SPEN: variants seen among roughly 807,000 people sequenced by gnomAD.
SPEN encodes msx2-interacting protein.
Under a neutral mutation model 269.9 loss-of-function variants are expected in SPEN, and 18 were observed. The observed-to-expected ratio is 0.07, with a 90% CI of 0.05 to 0.10. SPEN has a LOEUF of 0.10. Ranked by LOEUF, SPEN falls within the 10% of genes least tolerant of loss-of-function variation. The pLI is 1.00. For missense variants in SPEN, 3,822 were observed against 4,631.2 expected, an observed-to-expected ratio of 0.83 and a Z score of 5.07; for synonymous variants, 1,726 against 1,765.7, an observed-to-expected ratio of 0.98 and a Z score of 0.56.
At position 15,931,458 on chromosome 1, in the gene SPEN, G is replaced by T. The variant is rs1341345754; in HGVS notation, c.5218G>T (p.Ala1740Ser). 6.2e-7 allele frequency: 1 copy of T among 1,614,060 alleles called. No homozygotes were observed. ...GGATGCCAAGCCTCCAACTCCCGGG[G>T]CCTCGTTTTCCCAGGCAGAGAGCAA... Reference protein sequence around the residue: ...YLDAKPPTPGASFSQAESNVD... With the variant: ...YLDAKPPTPGSSFSQAESNVD... Residue 1740 changes from alanine (A) to serine (S), a missense_variant, in exon 11 of 15, where the codon GCC becomes TCC. Ala to Ser is a moderately conservative substitution (Grantham distance 99). Transcript: ENST00000375759. This position sits in a 1 kb window ranked among gnomAD's most constrained non-coding sequence, Gnocchi z 4.8.
chr1:15,932,257 T>G lies in SPEN; in HGVS notation c.6017T>G (p.Val2006Gly). 1 of 1,610,844 alleles carries G rather than the reference T, an allele frequency of 6.2e-7. No individual in the cohort carries two copies. The highest frequency in any genetic ancestry group is 1.1e-5 in the South Asian group (1 of 90,748). Residue 2006 changes from valine (V) to glycine (G), a missense_variant, in exon 11 of 15, where the codon GTG becomes GGG. By Grantham distance (109) the Val-to-Gly change is moderately radical (BLOSUM62 -3). Transcript: ENST00000375759. This position sits in a 1 kb window ranked among gnomAD's most constrained non-coding sequence, Gnocchi z 4.2. The part of the protein sequence containing the change: ...QGKKGKNEPK[V>G]DATRPEATTE... ...AAAAAGGGAAAAAATGAACCGAAGG[T>G]GGATGCTACACGTCCTGAGGCCACC...
intron 1 of SPEN, among the ~76,000 whole-genome samples, chr1:15,857,424 T>G (rs1449070695): frequency 1.3e-5 from 2 of 152,034 alleles, no homozygotes; most frequent in Non-Finnish European, 2.9e-5. Context: ...TGGCGTGATC[T>G]CAGCTCACTG....
At position 15,886,140 on chromosome 1, in the gene SPEN, T is replaced by G. The variant is rs187452215; in HGVS notation, c.881+9462T>G. Reference sequence around the variant, plus strand: ...TTTGTTTTTTTGTTTTTGTTTTAGATGTGTAGGTGTTGTCAGCTGCAGGGT... The same window carrying G: ...TTTGTTTTTTTGTTTTTGTTTTAGAGGTGTAGGTGTTGTCAGCTGCAGGGT... On this transcript the variant is annotated intron_variant, in intron 3 of 14. Transcript: ENST00000375759. Among the ~76,000 whole-genome samples the G allele has an allele frequency of 6.4e-3, 981 of 152,318 alleles. 8 individuals are homozygous for G. The highest frequency in any genetic ancestry group is 0.02 in the Middle Eastern group (6 of 294).
In SPEN at chr1:15,931,473, G is replaced by C; in HGVS notation, c.5233G>C (p.Ala1745Pro). 6.2e-7 allele frequency: 1 copy of C among 1,614,126 alleles called. No individual in the cohort carries two copies. The highest frequency in any genetic ancestry group is 8.5e-7 in the Non-Finnish European group (1 of 1,180,026). Reference protein sequence around the residue: ...PPTPGASFSQAESNVDPEPDS... With the variant: ...PPTPGASFSQPESNVDPEPDS... ...AACTCCCGGGGCCTCGTTTTCCCAG[G>C]CAGAGAGCAACGTAGATCCAGAGCC... Residue 1745 changes from alanine to proline, a missense_variant, in exon 11 of 15, where the codon GCA becomes CCA. Physicochemically the swap from Ala to Pro is conservative, Grantham distance 27. Transcript: ENST00000375759. This position sits in a 1 kb window ranked among gnomAD's most constrained non-coding sequence, Gnocchi z 4.8.
At chr1:15,911,687 G>T (rs530260005) in intron 5 of SPEN, among the ~76,000 whole-genome samples, 1 of 152,184 alleles carries the variant, frequency 6.6e-6, no homozygotes, top group Non-Finnish European at 1.5e-5. Flanking sequence ...CTGGTTGGGC[G>T]CAGTGGCTCA....
At chr1:15,857,316 C>T (rs866290956) in intron 1 of SPEN, among the ~76,000 whole-genome samples, 3 of 151,992 alleles carry the variant, frequency 2.0e-5, no homozygotes, top group Non-Finnish European at 2.9e-5. Flanking sequence ...CTGTCTGCCT[C>T]GGCCTCTCAA....
intron 10 of SPEN, among the ~76,000 whole-genome samples, chr1:15,924,950 G>T (rs2071152577): frequency 6.6e-6 from 1 of 152,190 alleles, no homozygotes; most frequent in African/African-American, 2.4e-5. Flanking sequence ...TGCATTCCTT[G>T]CAGTAGACCT....
At position 15,939,625 on chromosome 1, in the gene SPEN, A is replaced by G. The variant is rs1398260591; in HGVS notation, c.*198A>G. ...TGGTGCTGCTACCTTGTATGTTTACATAATGCTTTAGCCCAAGGACACATC... is the reference window on the plus strand; with the variant it reads ...TGGTGCTGCTACCTTGTATGTTTACGTAATGCTTTAGCCCAAGGACACATC... On this transcript the variant is annotated 3_prime_UTR_variant, in exon 15 of 15. Coordinates refer to ENST00000375759, the MANE Select transcript of SPEN (RefSeq NM_015001.3). This position sits in a 1 kb window ranked among gnomAD's most constrained non-coding sequence, Gnocchi z 4.1. The G allele has an allele frequency of 3.7e-5, 20 of 538,604 alleles. No homozygotes were observed. The highest frequency in any genetic ancestry group is 4.4e-4 in the Middle Eastern group (1 of 2,264). 33.4% of individuals were successfully genotyped at this position (538,604 alleles called of 1,614,324 possible). A position where few individuals can be genotyped will look rare whatever the true frequency, so the allele number is the denominator to read the frequency against.
chr1:15,883,125 C>G (rs2070703283), intron 3 of SPEN, among the ~76,000 whole-genome samples: 1 of 152,172 alleles, frequency 6.6e-6, no homozygotes, highest in Non-Finnish European at 1.5e-5. Context: ...AAATGTATTT[C>G]TCACATTTTC....
At chr1:15,938,162 G>A (rs200747422) in intron 13 of SPEN, among the ~76,000 whole-genome samples, 156 bp downstream of exon 13, 55 of 152,300 alleles carry the variant, frequency 3.6e-4, no homozygotes, top group Non-Finnish European at 6.3e-4. Flanking sequence ...GGAGTGCAGC[G>A]GTGCGATCTC....
chr1:15,851,838 C>A lies in SPEN; in HGVS notation c.83+3688C>A, dbSNP rs533712876. ...TCTCTACTAAAATACAAAAAATTAG[C>A]CAGGTGTGGTGGTGTGCATCTGTAG... is the stretch of plus-strand genomic sequence containing the variant. On this transcript the variant is annotated intron_variant, in intron 1 of 14. Coordinates refer to ENST00000375759, the MANE Select transcript of SPEN (RefSeq NM_015001.3). 1.6e-4 allele frequency among the ~76,000 whole-genome samples: 24 copies of A among 152,190 alleles called. No individual in the cohort carries two copies. In the South Asian group the frequency reaches 5.0e-3, roughly 32 times the overall value.
chr1:15,924,482 CAG>C (rs1332214787), intron 10 of SPEN, among the ~76,000 whole-genome samples: 5 of 151,516 alleles, frequency 3.3e-5, no homozygotes, highest in Admixed American at 1.3e-4. Context: ...TTTTTTGAGA[CAG>C]AGTTTCCCTT....
In SPEN at chr1:15,936,165, G is replaced by A. The variant is rs748733011; in HGVS notation, c.9925G>A (p.Gly3309Ser). ...GGAGCTGTTTCAAGAGTACCGGTACGGCGACATCCGCACCTACCACCCCCC... is the reference window on the plus strand; with the variant it reads ...GGAGCTGTTTCAAGAGTACCGGTACAGCGACATCCGCACCTACCACCCCCC... ...SGELFQEYRY[G>S]DIRTYHPPAQ... Residue 3309 changes from glycine (G) to serine (S), a missense_variant, in exon 11 of 15, where the codon GGC becomes AGC. Gly to Ser is a moderately conservative substitution (Grantham distance 56). Coordinates refer to ENST00000375759, the MANE Select transcript of SPEN (RefSeq NM_015001.3). The A allele has an allele frequency of 1.9e-5, 31 of 1,608,804 alleles. No homozygotes were observed. Among genetic ancestry groups the A allele is most frequent in the Admixed American group, 6.7e-5 (4 of 59,752 alleles).
At position 15,919,436 on chromosome 1, in the gene SPEN, C is replaced by T. The variant is rs773270174; in HGVS notation, c.1554C>T (p.Cys518=). ...LGFGKSMPTN[C]VWLDGLSSNV... Reference sequence around the variant, plus strand: ...TTGGAAAGAGCATGCCTACAAACTGCGTGTGGCTAGATGGGCTTTCTTCGA... The same window carrying T: ...TTGGAAAGAGCATGCCTACAAACTGTGTGTGGCTAGATGGGCTTTCTTCGA... Residue 518 remains cysteine (C), a synonymous_variant, in exon 8 of 15, where the codon TGC becomes TGT. Coordinates refer to ENST00000375759, the MANE Select transcript of SPEN (RefSeq NM_015001.3). 1.2e-5 allele frequency: 20 copies of T among 1,605,720 alleles called. No homozygotes were observed. The highest frequency in any genetic ancestry group is 4.5e-5 in the East Asian group (2 of 44,432).
chr1:15,865,815 C>A (rs1368336326), intron 1 of SPEN, among the ~76,000 whole-genome samples: 1 of 151,854 alleles, frequency 6.6e-6, no homozygotes, highest in Non-Finnish European at 1.5e-5. Context: ...TCAAGTGTTG[C>A]AAGTATTTTT....
At chr1:15,921,668 C>G (rs1487160821) in intron 9 of SPEN, among the ~76,000 whole-genome samples, 1 of 152,200 alleles carries the variant, frequency 6.6e-6, no homozygotes, top group African/African-American at 2.4e-5. Flanking sequence ...CTTTCCTACT[C>G]TCCTGAAGAG....
intron 8 of SPEN, among the ~76,000 whole-genome samples, chr1:15,920,179 C>T (rs111784357): frequency 0.071 from 10,741 of 152,158 alleles, 439 homozygotes; most frequent in Non-Finnish European, 0.082. Context: ...AAGCGATTCT[C>T]TAGCCTCAGC....
chr1:15,876,712 C>A, intron 3 of SPEN, 34 bp downstream of exon 3: 2 of 1,490,814 alleles, frequency 1.3e-6, no homozygotes, highest in Non-Finnish European at 1.9e-6. Flanking sequence ...AACAGATGAG[C>A]TAGCTTTAAA....
At chr1:15,906,639 T>C (rs778757509) in intron 3 of SPEN, among the ~76,000 whole-genome samples, 3 of 151,860 alleles carry the variant, frequency 2.0e-5, no homozygotes, top group Admixed American at 1.3e-4. Flanking sequence ...AATTTTTGTA[T>C]TTCTAGTAGA....
Sources: allele counts gnomAD v4.1 joint callset (sites outside exome capture counted in the v4.1 genomes callset), GRCh38; gene constraint gnomAD v4.1.1; non-coding constraint Gnocchi (gnomAD v3.1); transcripts MANE v1.5; gene names NCBI Gene and HGNC (gene_info 2026-07-23, HGNC 2026-07-21).